The following SDK1 variants were observed in gnomAD, a reference collection of about 807,000 sequenced individuals.
The protein encoded by SDK1 is sidekick cell adhesion molecule 1.
SDK1 carries 157 observed loss-of-function variants against 245.5 expected under a neutral mutation model. The observed-to-expected ratio is 0.64, with a 90% CI of 0.56 to 0.73. SDK1 has a LOEUF of 0.73. Among genes scored for constraint, SDK1 ranks in the 30% least tolerant of loss-of-function variants. The pLI is 0.00. For synonymous variants in SDK1, 1,647 were observed against 1,278.5 expected, an observed-to-expected ratio of 1.29 and a Z score of -6.15; for missense variants, 3,583 against 3,002.3, an observed-to-expected ratio of 1.19 and a Z score of -4.52.
At chr7:3,444,792 C>T (rs1780297668) in intron 1 of SDK1, among the ~76,000 whole-genome samples, 1 of 152,172 alleles carries the variant, frequency 6.6e-6, no homozygotes, top group South Asian at 2.1e-4. Flanking sequence ...TCCCTGTTTG[C>T]ACAGATGACT....
rs536932076 is a variant in SDK1, at chr7:4,155,689, C to T, written c.4626-2759C>T. On this transcript the variant is annotated intron_variant, in intron 30 of 44. Coordinates refer to ENST00000404826, the MANE Select transcript of SDK1 (RefSeq NM_152744.4). ...GTGCCAGATACAACACTGGTATTTACGTGTCCTCATAGGCAACCCCCCACC... is the reference window on the plus strand; with the variant it reads ...GTGCCAGATACAACACTGGTATTTATGTGTCCTCATAGGCAACCCCCCACC... Among the ~76,000 whole-genome samples, 31 of 152,274 alleles carry T rather than the reference C, an allele frequency of 2.0e-4. 1 individual carries two copies. In the South Asian group the frequency reaches 4.6e-3, roughly 22 times the overall value.
chr7:3,913,549 T>C (rs1329761752), intron 5 of SDK1, among the ~76,000 whole-genome samples: 1 of 152,106 alleles, frequency 6.6e-6, no homozygotes, highest in Non-Finnish European at 1.5e-5. Context: ...CGCCTCGGCC[T>C]CCCAAAGTGC....
Position 3,578,214 on chromosome 7 carries a change from C to T in SDK1, c.299-40866C>T, listed in dbSNP as rs567065282. Among the ~76,000 whole-genome samples, 56 of 151,988 alleles carry T rather than the reference C, an allele frequency of 3.7e-4. 1 individual carries two copies. The South Asian group carries it at 9.8e-3, about 26-fold the overall frequency. ...GGGTGACATCACATATCGGTAGGAC[C>T]ATGATGCCCACCTGAGCCGCAAAAC... is the stretch of plus-strand genomic sequence containing the variant. On this transcript the variant is annotated intron_variant, in intron 1 of 44. Coordinates refer to ENST00000404826, the MANE Select transcript of SDK1 (RefSeq NM_152744.4).
rs1185547463 is a variant in SDK1 at position 3,718,781 on chromosome 7, T to A, written c.713+76676T>A. On this transcript the variant is annotated intron_variant, in intron 4 of 44. Coordinates refer to ENST00000404826, the MANE Select transcript of SDK1 (RefSeq NM_152744.4). ...CACTCTTAACAGAGTACCTAACCAG[T>A]ACAATAAGGTAGGAAAAAAAAAGGC... 2.0e-5 allele frequency among the ~76,000 whole-genome samples: 3 copies of A among 151,602 alleles called. No individual in the cohort carries two copies. The East Asian group carries it at 5.8e-4, about 29-fold the overall frequency.
intron 22 of SDK1, among the ~76,000 whole-genome samples, chr7:4,104,778 C>T (rs1429618088): frequency 6.6e-6 from 1 of 151,902 alleles, no homozygotes; most frequent in African/African-American, 2.4e-5. Flanking sequence ...ATCATAGCTA[C>T]TGCAGCCTTG....
chr7:3,681,807 C>T (rs529327611), intron 4 of SDK1, among the ~76,000 whole-genome samples: 1 of 152,158 alleles, frequency 6.6e-6, no homozygotes, highest in Non-Finnish European at 1.5e-5. Flanking sequence ...ACTTTCCTTT[C>T]ACATGAATTG....
chr7:3,338,146 A>G, intron 1 of SDK1: 1 of 218,412 alleles, frequency 4.6e-6, no homozygotes, highest in South Asian at 1.1e-4. Context: ...ACAAAGAGAA[A>G]AGGGAGAGGC....
intron 1 of SDK1, among the ~76,000 whole-genome samples, chr7:3,573,258 C>CCA (rs1208494115): frequency 2.6e-5 from 4 of 152,044 alleles, no homozygotes; most frequent in African/African-American, 7.2e-5. Context: ...ATTGGTGGGA[C>CCA]GATGGCTGGA....
At chr7:4,103,592 T>G (rs1360540989) in intron 22 of SDK1, among the ~76,000 whole-genome samples, 1 of 152,240 alleles carries the variant, frequency 6.6e-6, no homozygotes, top group East Asian at 1.9e-4. Context: ...GAGCTCCGTG[T>G]AAAGCAACCC....
chr7:3,463,277 T>C (rs539390811), intron 1 of SDK1, among the ~76,000 whole-genome samples: 20 of 152,308 alleles, frequency 1.3e-4, no homozygotes, highest in African/African-American at 4.6e-4. Flanking sequence ...CTTTTTGTTT[T>C]TGTTTTTGTT....
At chr7:3,436,565 A>G (rs964973739) in intron 1 of SDK1, among the ~76,000 whole-genome samples, 10 of 152,316 alleles carry the variant, frequency 6.6e-5, no homozygotes, top group Non-Finnish European at 1.5e-4. Context: ...CTGAGGTGAT[A>G]AAAAATGAAA....
intron 5 of SDK1, among the ~76,000 whole-genome samples, chr7:3,901,714 C>T (rs1781796455): frequency 6.6e-6 from 1 of 152,210 alleles, no homozygotes; most frequent in Non-Finnish European, 1.5e-5. Context: ...TCACGGGTGA[C>T]TCTTGCCTCA....
intron 4 of SDK1, among the ~76,000 whole-genome samples, chr7:3,713,970 C>A (rs1482892146): frequency 6.6e-6 from 1 of 152,162 alleles, no homozygotes; most frequent in Admixed American, 6.5e-5. Context: ...GCACCTCAGA[C>A]CCTAATTCAA....
intron 22 of SDK1, among the ~76,000 whole-genome samples, chr7:4,080,943 G>C (rs1016585477): frequency 6.6e-6 from 1 of 152,128 alleles, no homozygotes; most frequent in South Asian, 2.1e-4. Context: ...ACTTTAAAAC[G>C]CTTAGGATTA....
chr7:3,857,830 C>T (rs1780583890), intron 5 of SDK1, among the ~76,000 whole-genome samples: 1 of 152,150 alleles, frequency 6.6e-6, no homozygotes, highest in East Asian at 1.9e-4. Context: ...AATAGAAATA[C>T]AGTAAAATAG....
intron 1 of SDK1, among the ~76,000 whole-genome samples, chr7:3,364,632 T>A (rs1562442366): frequency 6.6e-6 from 1 of 152,210 alleles, no homozygotes; most frequent in Admixed American, 6.5e-5. Flanking sequence ...ATTTCATTGA[T>A]CTGTGTATGT....
intron 1 of SDK1, among the ~76,000 whole-genome samples, chr7:3,358,590 T>C (rs1248924549): frequency 2.6e-5 from 4 of 152,228 alleles, no homozygotes; most frequent in African/African-American, 4.8e-5. Context: ...AAAAAATTTT[T>C]CTGTAAAGAC....
At chr7:3,923,327 G>C (rs1232000027) in intron 5 of SDK1, among the ~76,000 whole-genome samples, 1 of 151,256 alleles carries the variant, frequency 6.6e-6, no homozygotes, top group Non-Finnish European at 1.5e-5. Flanking sequence ...CTTTTATTTT[G>C]CCACATTAAT....
At chr7:3,416,200 A>C (rs895456580) in intron 1 of SDK1, among the ~76,000 whole-genome samples, 7 of 152,172 alleles carry the variant, frequency 4.6e-5, no homozygotes, top group Non-Finnish European at 1.5e-5. Context: ...TCAAGTGTCA[A>C]ATTACACAGC....
Sources: allele counts gnomAD v4.1 joint callset (sites outside exome capture counted in the v4.1 genomes callset), GRCh38; gene constraint gnomAD v4.1.1; transcripts MANE v1.5; gene names NCBI Gene and HGNC (gene_info 2026-07-23, HGNC 2026-07-21).